ROR1: variants seen among roughly 807,000 people sequenced by gnomAD.
ROR1 encodes ROR family WNT receptor 1, also known as inactive tyrosine-protein kinase transmembrane receptor ROR1.
Under a neutral mutation model 78.8 loss-of-function variants are expected in ROR1, and 19 were observed. The observed-to-expected ratio is 0.24, with a 90% CI of 0.17 to 0.35. The LOEUF is 0.35. Ranked by LOEUF, ROR1 falls within the 10% of genes least tolerant of loss-of-function variation. ROR1 has a pLI of 1.00. For synonymous variants in ROR1, 386 were observed against 433.6 expected (o/e 0.89, Z 1.36); for missense variants, 917 against 1,177.8 (o/e 0.78, Z 3.24).
At chr1:63,862,340 G>A (rs1645186927) in intron 1 of ROR1, among the ~76,000 whole-genome samples, 1 of 135,644 alleles carries the variant, frequency 7.4e-6, no homozygotes, top group African/African-American at 3.0e-5. Context: ...GTTGCAGTGA[G>A]CCAAGATCAT....
chr1:63,854,278 T>TA (rs1193357159), intron 1 of ROR1, among the ~76,000 whole-genome samples: 5 of 152,230 alleles, frequency 3.3e-5, no homozygotes, highest in Admixed American at 6.5e-5. Flanking sequence ...AGGGCTTATC[T>TA]AAATCTTAGC....
chr1:64,087,267 T>G (rs1370820854), intron 4 of ROR1, among the ~76,000 whole-genome samples: 1 of 152,250 alleles, frequency 6.6e-6, no homozygotes, highest in Non-Finnish European at 1.5e-5. Context: ...ATCCCTGTGT[T>G]CCTAGAAAGG....
chr1:63,856,164 G>A (rs985525906), intron 1 of ROR1, among the ~76,000 whole-genome samples: 1 of 151,772 alleles, frequency 6.6e-6, no homozygotes, highest in African/African-American at 2.4e-5. Context: ...CAGACATTGT[G>A]AATTTTCCTT....
At chr1:64,081,375 T>C (rs1441192720) in intron 4 of ROR1, among the ~76,000 whole-genome samples, 1 of 152,176 alleles carries the variant, frequency 6.6e-6, no homozygotes, top group Admixed American at 6.5e-5. Flanking sequence ...TATTGTGAAA[T>C]AGATTAAATA....
chr1:64,125,805 C>G (rs751366311), intron 4 of ROR1, among the ~76,000 whole-genome samples: 42 of 152,148 alleles, frequency 2.8e-4, no homozygotes, highest in Non-Finnish European at 1.8e-4. Context: ...TGTAGGAGGT[C>G]TGTGTAGCCA....
chr1:63,857,786 T>C (rs1306534514), intron 1 of ROR1, among the ~76,000 whole-genome samples: 1 of 152,216 alleles, frequency 6.6e-6, no homozygotes, highest in Non-Finnish European at 1.5e-5. Context: ...CTCTGAAGAC[T>C]GTCTTGCTCC....
intron 2 of ROR1, among the ~76,000 whole-genome samples, chr1:64,020,082 T>C (rs950514062): frequency 6.6e-6 from 1 of 152,102 alleles, no homozygotes; most frequent in Non-Finnish European, 1.5e-5. Flanking sequence ...AGACAAGGAA[T>C]GAATTCCACT....
At position 63,867,675 on chromosome 1, in the gene ROR1, G is replaced by A. The variant is rs150188112; in HGVS notation, c.91+93167G>A. Among the ~76,000 whole-genome samples the A allele has an allele frequency of 5.9e-5, 9 of 152,314 alleles. No homozygotes were observed. The East Asian group carries it at 1.5e-3, about 26-fold the overall frequency. On this transcript the variant is annotated intron_variant, in intron 1 of 8. Transcript: ENST00000371079. ...TTTTCTGTCTTTTCTTCCAAGTTAT[G>A]CTGACCTCGCCGACGAAAATATTCC... is the stretch of plus-strand genomic sequence containing the variant.
chr1:63,919,368 A>G (rs1645635349), intron 1 of ROR1, among the ~76,000 whole-genome samples: 1 of 152,176 alleles, frequency 6.6e-6, no homozygotes, highest in Admixed American at 6.5e-5. Flanking sequence ...TTAATCAGCA[A>G]AAAATTTATT....
In ROR1 at chr1:64,179,224, CATG is replaced by C. The variant is rs1396429598; in HGVS notation, c.*371_*373del. 1 of 196,656 alleles carries C rather than the reference CATG, an allele frequency of 5.1e-6. No homozygotes were observed. The highest frequency in any genetic ancestry group is 1.0e-5 in the Non-Finnish European group (1 of 96,682). The allele number at this position is 196,656 out of a possible 1,614,324, so 12.2% of individuals were successfully genotyped here. A position where few individuals can be genotyped will look rare whatever the true frequency, so the allele number is the denominator to read the frequency against. ...GCTTTGTGTTTTAGCCTTCAGTCAC[CATG>C]ACTGGTCTCTCCCCCAGATGTATAT... On this transcript the variant is annotated 3_prime_UTR_variant, in exon 9 of 9. Transcript: ENST00000371079.
intron 1 of ROR1, among the ~76,000 whole-genome samples, chr1:63,790,777 AAG>A (rs2100237359): frequency 6.6e-6 from 1 of 152,228 alleles, no homozygotes; most frequent in African/African-American, 2.4e-5. Flanking sequence ...GGAATTTTGA[AAG>A]AGGTCTCATT....
chr1:64,046,111 A>T (rs900596246), intron 2 of ROR1, among the ~76,000 whole-genome samples: 4 of 152,122 alleles, frequency 2.6e-5, no homozygotes, highest in Non-Finnish European at 5.9e-5. Flanking sequence ...AGCTGCCCAT[A>T]TAGAAACACA....
intron 5 of ROR1, among the ~76,000 whole-genome samples, chr1:64,138,514 T>C (rs1045077997): frequency 9.3e-5 from 14 of 150,908 alleles, no homozygotes; most frequent in African/African-American, 3.4e-4. Flanking sequence ...GTGAAGGAAC[T>C]GAGAGGAGGC....
At position 63,867,488 on chromosome 1, in the gene ROR1, A is replaced by G. The variant is rs569823690; in HGVS notation, c.91+92980A>G. On this transcript the variant is annotated intron_variant, in intron 1 of 8. Transcript: ENST00000371079. ...CCTTTCCCCCTAGAATCTGTGTATGAGATGTGAAATCCATGAAAAGATAAT... is the reference window on the plus strand; with the variant it reads ...CCTTTCCCCCTAGAATCTGTGTATGGGATGTGAAATCCATGAAAAGATAAT... 3.9e-5 allele frequency among the ~76,000 whole-genome samples: 6 copies of G among 152,296 alleles called. No individual in the cohort carries two copies. The East Asian group carries it at 9.7e-4, about 25-fold the overall frequency.
At chr1:64,055,554 G>A (rs1646867039) in intron 4 of ROR1, among the ~76,000 whole-genome samples, 2 of 152,198 alleles carry the variant, frequency 1.3e-5, no homozygotes, top group African/African-American at 2.4e-5. Context: ...AAAAATAGAT[G>A]TCTAAGGTTT....
intron 7 of ROR1, among the ~76,000 whole-genome samples, chr1:64,158,205 A>G (rs1224348069): frequency 6.6e-6 from 1 of 152,254 alleles, no homozygotes; most frequent in Non-Finnish European, 1.5e-5. Context: ...AATATACTTC[A>G]AAGTGTTAGC....
At chr1:64,070,574 C>T (rs1268168305) in intron 4 of ROR1, among the ~76,000 whole-genome samples, 1 of 152,292 alleles carries the variant, frequency 6.6e-6, no homozygotes. Flanking sequence ...CGCACCTCAG[C>T]CTCCCAAAGT....
intron 1 of ROR1, among the ~76,000 whole-genome samples, chr1:63,832,237 C>T (rs1051342506): frequency 1.3e-5 from 2 of 152,130 alleles, no homozygotes; most frequent in Admixed American, 6.6e-5. Flanking sequence ...TATTCTCTGC[C>T]CGTTACCCAG....
At chr1:64,146,703 T>C (rs1157628267) in intron 7 of ROR1, among the ~76,000 whole-genome samples, 1 of 152,132 alleles carries the variant, frequency 6.6e-6, no homozygotes, top group Non-Finnish European at 1.5e-5. Flanking sequence ...AAAGTACTCG[T>C]TTTCATTTCG....
Sources: gnomAD v4.1 joint callset for allele counts (sites outside exome capture counted in the v4.1 genomes callset) on GRCh38, gnomAD v4.1.1 for gene constraint, MANE v1.5 for transcripts, NCBI Gene and HGNC (gene_info 2026-07-23, HGNC 2026-07-21) for gene names.